Variants in KLRD1 observed in about 807,000 individuals in gnomAD.
KLRD1 encodes killer cell lectin like receptor D1.
A neutral mutation model predicts 22.6 loss-of-function variants in KLRD1; 21 were observed. The observed-to-expected ratio is 0.93, with a 90% CI of 0.66 to 1.34. The LOEUF is 1.34. Ranked by LOEUF, KLRD1 falls within the 40% of genes most tolerant of loss-of-function variation. The pLI, the probability that KLRD1 is intolerant of heterozygous loss-of-function variation, is 0.00. For synonymous variants in KLRD1, 59 were observed against 71.1 expected (o/e 0.83, Z 0.85); for missense variants, 183 against 208.6 (o/e 0.88, Z 0.76).
chr12:10,268,021 G>T (rs754628886), intron 1 of KLRD1, among the ~76,000 whole-genome samples: 4 of 152,178 alleles, frequency 2.6e-5, no homozygotes, highest in Admixed American at 2.0e-4. Context: ...TGAATCCACA[G>T]TGTTAAGAAA....
At position 10,317,030 on chromosome 12, in the gene KLRD1, G is replaced by T. The variant is rs974557205; in HGVS notation, c.*2237G>T. The T allele has an allele frequency of 6.6e-6, 1 of 151,740 alleles. No homozygotes were observed. The highest frequency in any genetic ancestry group is 2.1e-4 in the South Asian group (1 of 4,800). 9.4% of individuals were successfully genotyped at this position (151,740 alleles called of 1,614,324 possible). On this transcript the variant is annotated 3_prime_UTR_variant, in exon 6 of 6. Coordinates refer to ENST00000336164, the MANE Select transcript of KLRD1 (RefSeq NM_002262.5). The stretch of plus-strand genomic sequence containing the variant: ...CTCCCACTTATTAGTAAGAACATGT[G>T]GTGTTTGGTTTTCTGTTCCTGTGTT...
chr12:10,242,949 TAAAAG>T (rs996820395), intron 1 of KLRD1, among the ~76,000 whole-genome samples: 1 of 152,174 alleles, frequency 6.6e-6, no homozygotes, highest in Non-Finnish European at 1.5e-5. Context: ...TATTCACCCT[TAAAAG>T]AGAAGTAAAT....
chr12:10,308,268 C>G, intron 1 of KLRD1, 184 bp downstream of exon 1: 1 of 583,626 alleles, frequency 1.7e-6, no homozygotes. Flanking sequence ...ATAACTTAGA[C>G]ATGATTTCAT....
rs1288838996 is a variant in KLRD1, at chr12:10,264,682, C to CTGTGTGTGTGTGTGTGTGTGTGTG, written c.-101+38470_-101+38471insGTGTGTGTGTGTGTGTGTGTGTGT. Among the ~76,000 whole-genome samples the CTGTGTGTGTGTGTGTGTGTGTGTG allele has an allele frequency of 6.3e-3, 948 of 149,846 alleles. 13 individuals carry two copies. The highest frequency in any genetic ancestry group is 0.022 in the African/African-American group (914 of 40,876). Reference sequence around the variant, plus strand: ...GTCCATCGTCTCACATAGTTACCTTCTGTGTGTGTGTGTGTGTGTGTAGTG... The same window carrying CTGTGTGTGTGTGTGTGTGTGTGTG: ...GTCCATCGTCTCACATAGTTACCTTCTGTGTGTGTGTGTGTGTGTGTGTGTGTGTGTGTGTGTGTGTGTGTAGTG... On this transcript the variant is annotated intron_variant, in intron 1 of 5. Transcript: ENST00000544747.
chr12:10,308,057 G>C lies in KLRD1; in HGVS notation c.-21G>C. 5 of 1,609,776 alleles carry C rather than the reference G, an allele frequency of 3.1e-6. No homozygotes were observed. The highest frequency in any genetic ancestry group is 4.3e-6 in the Non-Finnish European group (5 of 1,176,360). On this transcript the variant is annotated 5_prime_UTR_variant, in exon 1 of 6. Coordinates refer to ENST00000336164, the MANE Select transcript of KLRD1 (RefSeq NM_002262.5). ...GTACACATCGTGCCTTCTCTACTTC[G>C]CTCTTGGAACATAATTTCTCATGGC...
chr12:10,289,055 G>T (rs1949739687), intron 1 of KLRD1, among the ~76,000 whole-genome samples: 2 of 152,158 alleles, frequency 1.3e-5, no homozygotes, highest in Admixed American at 6.5e-5. Context: ...TGACCATAGA[G>T]CTTTGCAATG....
At chr12:10,290,954 T>C (rs780720856) in intron 1 of KLRD1, among the ~76,000 whole-genome samples, 1 of 152,208 alleles carries the variant, frequency 6.6e-6, no homozygotes, top group Non-Finnish European at 1.5e-5. Context: ...ACTCTAGTTA[T>C]GTAAAATATA....
At chr12:10,304,779 T>C (rs1180058999), upstream of KLRD1, among the ~76,000 whole-genome samples, 1 of 152,196 alleles carries the variant, frequency 6.6e-6, no homozygotes. Context: ...AATCATTCCA[T>C]TGATAAGGAT....
intron 1 of KLRD1, among the ~76,000 whole-genome samples, chr12:10,243,107 G>C (rs1949256165): frequency 6.6e-6 from 1 of 152,050 alleles, no homozygotes; most frequent in Non-Finnish European, 1.5e-5. Flanking sequence ...GTTGTTACTA[G>C]AGACTGGGGG....
chr12:10,254,605 A>C (rs1949376938), intron 1 of KLRD1, among the ~76,000 whole-genome samples: 1 of 151,778 alleles, frequency 6.6e-6, no homozygotes, highest in African/African-American at 2.4e-5. Flanking sequence ...AAGTAGGCAA[A>C]AGGCTGGGCG....
chr12:10,303,211 T>C (rs1483936240), upstream of KLRD1, among the ~76,000 whole-genome samples: 1 of 152,198 alleles, frequency 6.6e-6, no homozygotes, highest in Non-Finnish European at 1.5e-5. Flanking sequence ...CTGACCTCTT[T>C]TATCTGCCTA....
At chr12:10,246,975 C>T (rs1949298870) in intron 1 of KLRD1, among the ~76,000 whole-genome samples, 1 of 142,862 alleles carries the variant, frequency 7.0e-6, no homozygotes, top group Admixed American at 7.6e-5. Context: ...CTCTGTCACC[C>T]AGTCTGGAGT....
At chr12:10,263,219 C>G (rs1949469868) in intron 1 of KLRD1, among the ~76,000 whole-genome samples, 1 of 151,972 alleles carries the variant, frequency 6.6e-6, no homozygotes, top group Non-Finnish European at 1.5e-5. Context: ...AGAGTAAACA[C>G]CCCCAAAGCA....
intron 1 of KLRD1, chr12:10,309,150 A>G (rs2137692581): frequency 2.8e-6 from 1 of 362,844 alleles, no homozygotes; most frequent in Non-Finnish European, 4.9e-6. Flanking sequence ...CTTTACTGCA[A>G]CAGAGCTGGT....
At chr12:10,261,311 C>T (rs935307445) in intron 1 of KLRD1, among the ~76,000 whole-genome samples, 7 of 151,920 alleles carry the variant, frequency 4.6e-5, no homozygotes, top group Admixed American at 6.6e-5. Flanking sequence ...TTATTAAAGG[C>T]AATAACAGAA....
intron 4 of KLRD1, among the ~76,000 whole-genome samples, chr12:10,312,369 TTTTG>T (rs369950859): frequency 2.5e-3 from 365 of 144,192 alleles, no homozygotes; most frequent in African/African-American, 7.3e-3. Context: ...CCCAATTCTT[TTTTG>T]TTTGTTTGTT....
At chr12:10,294,142 A>G (rs1437536443) in intron 1 of KLRD1, among the ~76,000 whole-genome samples, 2 of 152,176 alleles carry the variant, frequency 1.3e-5, no homozygotes, top group African/African-American at 4.8e-5. Flanking sequence ...TTCTTGATGA[A>G]TATGGACTTG....
At chr12:10,293,550 G>A (rs112619099) in intron 1 of KLRD1, among the ~76,000 whole-genome samples, 2,342 of 152,114 alleles carry the variant, frequency 0.015, 52 homozygotes, top group African/African-American at 0.054. Context: ...ATTGTTTGTT[G>A]CACCACAAAC....
At chr12:10,243,636 G>A (rs4763477) in intron 1 of KLRD1, among the ~76,000 whole-genome samples, 121,800 of 124,384 alleles carry the variant, frequency 0.98, 59,754 homozygotes, top group Non-Finnish European at 0.99. Context: ...AAAAAAAACC[G>A]AAATGAAAGA....
Sources: allele counts gnomAD v4.1 joint callset (sites outside exome capture counted in the v4.1 genomes callset), GRCh38; gene constraint gnomAD v4.1.1; transcripts MANE v1.5; gene names NCBI Gene and HGNC (gene_info 2026-07-23, HGNC 2026-07-21).